HS3ST1: variants seen among roughly 807,000 people sequenced by gnomAD.
HS3ST1 encodes heparan sulfate glucosamine 3-O-sulfotransferase 1.
A neutral mutation model predicts 20.7 loss-of-function variants in HS3ST1; 8 were observed. That is an observed-to-expected ratio of 0.39 (90% CI 0.23 to 0.70). The LOEUF is 0.70. Ranked by LOEUF, HS3ST1 falls within the 30% of genes least tolerant of loss-of-function variation. HS3ST1 has a pLI of 0.46. For synonymous variants in HS3ST1, 205 were observed against 190.4 expected, an observed-to-expected ratio of 1.08 and a Z score of -0.63; for missense variants, 436 against 423.4, an observed-to-expected ratio of 1.03 and a Z score of -0.26.
intron 1 of HS3ST1, among the ~76,000 whole-genome samples, chr4:11,406,453 A>G (rs1472554082): frequency 1.3e-5 from 2 of 152,178 alleles, no homozygotes; most frequent in Non-Finnish European, 2.9e-5. Flanking sequence ...CCCATGCCAA[A>G]TACACGGCAC....
rs968794152 is a variant in HS3ST1 at position 11,398,810 on chromosome 4, T to TA, written c.*271_*272insT. The TA allele has an allele frequency of 3.3e-5, 9 of 270,276 alleles. No individual in the cohort carries two copies. Among genetic ancestry groups the TA allele is most frequent in the Non-Finnish European group, 5.4e-5 (8 of 147,188 alleles). 16.7% of individuals were successfully genotyped at this position (270,276 alleles called of 1,614,324 possible). On this transcript the variant is annotated 3_prime_UTR_variant, in exon 2 of 2. Coordinates refer to ENST00000002596, the MANE Select transcript of HS3ST1 (RefSeq NM_005114.4). Reference sequence around the variant, plus strand: ...CATAGCGTCTCCAGAAAAAATCTTTTTTTTTTTTTCAGTGAAATAGTTTAG... The same window carrying TA: ...CATAGCGTCTCCAGAAAAAATCTTTTATTTTTTTTTCAGTGAAATAGTTTAG...
intron 1 of HS3ST1, among the ~76,000 whole-genome samples, chr4:11,412,325 AAGAT>A (rs1310737225): frequency 2.0e-5 from 3 of 152,202 alleles, no homozygotes; most frequent in Non-Finnish European, 4.4e-5. Flanking sequence ...CGTAAATTCT[AAGAT>A]AGTATAAGAT....
At chr4:11,427,909 C>T (rs1719102525) in intron 1 of HS3ST1, among the ~76,000 whole-genome samples, 1 of 152,214 alleles carries the variant, frequency 6.6e-6, no homozygotes, top group Non-Finnish European at 1.5e-5. Context: ...GCGCCGTCCG[C>T]CCCCTGGCTG....
At chr4:11,406,382 C>T (rs969051448) in intron 1 of HS3ST1, among the ~76,000 whole-genome samples, 20 of 152,266 alleles carry the variant, frequency 1.3e-4, no homozygotes, top group African/African-American at 3.6e-4. Flanking sequence ...TCCACATTCC[C>T]CTCTGCAAAT....
intron 1 of HS3ST1, among the ~76,000 whole-genome samples, chr4:11,426,342 A>G (rs941855192): frequency 6.8e-6 from 1 of 146,770 alleles, no homozygotes; most frequent in African/African-American, 2.6e-5. Context: ...AGAAGCTTCC[A>G]TGTGGCTTTT....
intron 1 of HS3ST1, among the ~76,000 whole-genome samples, chr4:11,418,993 G>A: frequency 6.6e-6 from 1 of 152,084 alleles, no homozygotes; most frequent in South Asian, 2.1e-4. Flanking sequence ...AGAGGGAGTG[G>A]CATGTACCAC....
In HS3ST1 at chr4:11,396,518, G is replaced by C. The variant is rs2108877619; in HGVS notation, c.*2564C>G. The C allele has an allele frequency of 6.6e-6, 1 of 152,374 alleles. No individual in the cohort carries two copies. The highest frequency in any genetic ancestry group is 2.4e-5 in the African/African-American group (1 of 41,570). 9.4% of individuals were successfully genotyped at this position (152,374 alleles called of 1,614,324 possible). On this transcript the variant is annotated 3_prime_UTR_variant, in exon 2 of 2. Transcript: ENST00000002596. ...AGAAGGCATGTTTTGGAGGGACCGG[G>C]TGCTATTAGGCTCCTGAGTCACTGC...
chr4:11,415,383 A>C (rs1051453429), intron 1 of HS3ST1, among the ~76,000 whole-genome samples: 2 of 152,208 alleles, frequency 1.3e-5, no homozygotes, highest in African/African-American at 4.8e-5. Flanking sequence ...AATTAAGTAA[A>C]ATATTATAGA....
At chr4:11,416,439 G>T (rs1306416061) in intron 1 of HS3ST1, among the ~76,000 whole-genome samples, 1 of 152,206 alleles carries the variant, frequency 6.6e-6, no homozygotes, top group African/African-American at 2.4e-5. Flanking sequence ...AAGTCAATGA[G>T]CAATGACAAC....
At position 11,420,175 on chromosome 4, in the gene HS3ST1, T is replaced by G. The variant is rs374602470; in HGVS notation, c.-109+8524A>C. 5.1e-4 allele frequency among the ~76,000 whole-genome samples: 78 copies of G among 152,324 alleles called. 2 individuals carry two copies. The South Asian group carries it at 0.014, about 27-fold the overall frequency. On this transcript the variant is annotated intron_variant, in intron 1 of 1. Coordinates refer to ENST00000002596, the MANE Select transcript of HS3ST1 (RefSeq NM_005114.4). ...ATTACACGCAACAGGAACTGGTTAT[T>G]TTGGCATGAGCAGTACCTCACTATT...
intron 1 of HS3ST1, among the ~76,000 whole-genome samples, chr4:11,407,005 G>T (rs1294208818): frequency 1.3e-5 from 2 of 152,154 alleles, no homozygotes; most frequent in African/African-American, 2.4e-5. Context: ...TCCTTGGCAG[G>T]TCATTTTAGA....
upstream of HS3ST1, chr4:11,429,089 G>T (rs1468840757): frequency 6.6e-6 from 1 of 152,454 alleles, no homozygotes; most frequent in Non-Finnish European, 1.5e-5. Context: ...GGTGCCTGGT[G>T]CTCCGCTCTG....
intron 1 of HS3ST1, among the ~76,000 whole-genome samples, chr4:11,406,244 T>C (rs1219154163): frequency 6.6e-6 from 1 of 152,214 alleles, no homozygotes; most frequent in Non-Finnish European, 1.5e-5. Flanking sequence ...CATTTTATTT[T>C]ATATTTTTAA....
At chr4:11,418,531 C>T (rs567045618) in intron 1 of HS3ST1, among the ~76,000 whole-genome samples, 3 of 152,294 alleles carry the variant, frequency 2.0e-5, no homozygotes, top group South Asian at 2.1e-4. Flanking sequence ...GGAATAGTCT[C>T]TCATACCCAG....
chr4:11,410,666 G>A (rs955127763), intron 1 of HS3ST1, among the ~76,000 whole-genome samples: 1 of 152,122 alleles, frequency 6.6e-6, no homozygotes, highest in Non-Finnish European at 1.5e-5. Context: ...GGCCAAGGCG[G>A]GTAGAACATG....
chr4:11,418,634 A>G (rs757721665), intron 1 of HS3ST1, among the ~76,000 whole-genome samples: 2 of 152,072 alleles, frequency 1.3e-5, no homozygotes, highest in Non-Finnish European at 2.9e-5. Context: ...TGTACTCATC[A>G]CCCCAGAAAG....
At chr4:11,419,096 C>CT (rs1301831606) in intron 1 of HS3ST1, among the ~76,000 whole-genome samples, 1 of 151,744 alleles carries the variant, frequency 6.6e-6, no homozygotes, top group African/African-American at 2.4e-5. Flanking sequence ...TCTTCAAATC[C>CT]TTTTTTCTGC....
intron 1 of HS3ST1, among the ~76,000 whole-genome samples, chr4:11,426,239 G>A (rs1719055969): frequency 6.6e-6 from 1 of 152,060 alleles, no homozygotes; most frequent in Non-Finnish European, 1.5e-5. Flanking sequence ...TATGTTCTCA[G>A]AAAGGCAGTG....
At chr4:11,421,503 T>C (rs1418797160) in intron 1 of HS3ST1, among the ~76,000 whole-genome samples, 2 of 152,188 alleles carry the variant, frequency 1.3e-5, no homozygotes, top group Non-Finnish European at 2.9e-5. Context: ...CAAGCTTGCT[T>C]TTCATTTCAG....
Sources: gnomAD v4.1 joint callset for allele counts (sites outside exome capture counted in the v4.1 genomes callset) on GRCh38, gnomAD v4.1.1 for gene constraint, MANE v1.5 for transcripts, NCBI Gene and HGNC (gene_info 2026-07-23, HGNC 2026-07-21) for gene names.